Variants in EPHA5 observed in about 807,000 individuals in gnomAD.
EPHA5 encodes EPH receptor A5, also known as ephrin type-A receptor 5.
Under a neutral mutation model 105.0 loss-of-function variants are expected in EPHA5, and 60 were observed. That is an observed-to-expected ratio of 0.57 (90% CI 0.46 to 0.71). EPHA5 has a LOEUF of 0.71. Among genes scored for constraint, EPHA5 ranks in the 30% least tolerant of loss-of-function variants. The pLI is 0.00. For missense variants in EPHA5, 1,218 were observed against 1,274.7 expected (o/e 0.96, Z 0.68); for synonymous variants, 513 against 449.1 (o/e 1.14, Z -1.80).
At chr4:65,409,708 G>T (rs1272020673) in intron 7 of EPHA5, among the ~76,000 whole-genome samples, 1 of 152,160 alleles carries the variant, frequency 6.6e-6, no homozygotes, top group African/African-American at 2.4e-5. Context: ...CTTAATCAGG[G>T]TAACTTAATC....
Position 65,331,629 on chromosome 4 carries a change from G to A in EPHA5, c.2945+344C>T, listed in dbSNP as rs889171621. ...ACCAATTGTGCTTACAGTTTATTTT[G>A]TTTTGTATTTACATTCATATAACAT... On this transcript the variant is annotated intron_variant, in intron 16 of 16. Transcript: ENST00000613740. 6 of 1,075,438 alleles carry A rather than the reference G, an allele frequency of 5.6e-6. No individual in the cohort carries two copies. In the East Asian group the frequency reaches 3.0e-4, roughly 53 times the overall value. The allele number at this position is 1,075,438 out of a possible 1,614,324, so 66.6% of individuals were successfully genotyped here.
rs71657410 is a variant in EPHA5, at chr4:65,440,499, TAC to T, written c.1403-19936_1403-19935del. Among the ~76,000 whole-genome samples the T allele has an allele frequency of 9.7e-3, 1,396 of 143,400 alleles. 15 individuals are homozygous for T. The highest frequency in any genetic ancestry group is 0.031 in the African/African-American group (1,220 of 38,784). The allele number at this position is 143,400 out of a possible 152,430, so 94.1% of individuals were successfully genotyped here. A position where few individuals can be genotyped will look rare whatever the true frequency, so the allele number is the denominator to read the frequency against. On this transcript the variant is annotated intron_variant, in intron 5 of 16. Coordinates refer to ENST00000613740, the MANE Select transcript of EPHA5 (RefSeq NM_001281766.3). ...TTCAACTTATACTTTTCCTAAATCT[TAC>T]ACACACACACACACACACACACACA... is the stretch of plus-strand genomic sequence containing the variant.
At chr4:65,513,219 G>C (rs1047049171) in intron 3 of EPHA5, among the ~76,000 whole-genome samples, 2 of 152,070 alleles carry the variant, frequency 1.3e-5, no homozygotes, top group Middle Eastern at 3.2e-3. Context: ...AAATATTCTT[G>C]ATAGATTTTC....
At chr4:65,472,799 G>C (rs973809961) in intron 5 of EPHA5, among the ~76,000 whole-genome samples, 3 of 152,168 alleles carry the variant, frequency 2.0e-5, no homozygotes, top group East Asian at 1.9e-4. Flanking sequence ...GGAGAGAAGG[G>C]CTGCTCCAAA....
At chr4:65,666,977 C>T (rs952542791) in intron 1 of EPHA5, among the ~76,000 whole-genome samples, 28 of 152,028 alleles carry the variant, frequency 1.8e-4, no homozygotes, top group South Asian at 6.2e-4. Context: ...ATTCATAATA[C>T]GCACACACAC....
chr4:65,626,847 G>A (rs946552257), intron 2 of EPHA5, among the ~76,000 whole-genome samples: 3 of 152,148 alleles, frequency 2.0e-5, no homozygotes, highest in African/African-American at 7.2e-5. Flanking sequence ...TAAAATATCA[G>A]CTAAATAAAT....
rs552381498 is a variant in EPHA5, at chr4:65,583,143, T to C, written c.910+18498A>G. On this transcript the variant is annotated intron_variant, in intron 3 of 16. Coordinates refer to ENST00000613740, the MANE Select transcript of EPHA5 (RefSeq NM_001281766.3). ...CAGGTCTATCTGCTGTGATAAATCA[T>C]GGACAAAATATATAAAATTCCTGCT... Among the ~76,000 whole-genome samples, 20 of 151,726 alleles carry C rather than the reference T, an allele frequency of 1.3e-4. No individual in the cohort carries two copies. In the East Asian group the frequency reaches 1.7e-3, roughly 13 times the overall value.
At chr4:65,574,242 A>T (rs1487285977) in intron 3 of EPHA5, 44 of 1,599,458 alleles carry the variant, frequency 2.8e-5, no homozygotes, top group Non-Finnish European at 3.5e-5. Context: ...TTTATCAAAA[A>T]TCAAAGCTAT....
chr4:65,581,457 C>A (rs1053008579), intron 3 of EPHA5, among the ~76,000 whole-genome samples: 3 of 151,658 alleles, frequency 2.0e-5, no homozygotes, highest in African/African-American at 7.2e-5. Flanking sequence ...CTCCTGAAGT[C>A]CTAGCAAGCA....
At position 65,321,340 on chromosome 4, in the gene EPHA5, CTT is replaced by C. The variant is rs1719623703; in HGVS notation, c.*2772_*2773del. 1 of 230,288 alleles carries C rather than the reference CTT, an allele frequency of 4.3e-6. No individual in the cohort carries two copies. Among genetic ancestry groups the C allele is most frequent in the Non-Finnish European group, 8.6e-6 (1 of 116,198 alleles). The allele number at this position is 230,288 out of a possible 1,614,324, so 14.3% of individuals were successfully genotyped here. On this transcript the variant is annotated 3_prime_UTR_variant, in exon 17 of 17. Coordinates refer to ENST00000613740, the MANE Select transcript of EPHA5 (RefSeq NM_001281766.3). ...AATTACACAATCAAGATTTGTTAAA[CTT>C]TGCCTTGGATTATGGCCTCACTACA...
intron 8 of EPHA5, among the ~76,000 whole-genome samples, chr4:65,388,180 G>A (rs1720321585): frequency 6.7e-6 from 1 of 148,780 alleles, no homozygotes; most frequent in African/African-American, 2.5e-5. Context: ...GTATTCCATG[G>A]TGTATATGTG....
intron 5 of EPHA5, among the ~76,000 whole-genome samples, chr4:65,453,878 C>G (rs1727306019): frequency 6.6e-6 from 1 of 152,174 alleles, no homozygotes; most frequent in Admixed American, 6.5e-5. Context: ...TGCCCTAAAT[C>G]TTGCCTAGGT....
chr4:65,535,151 A>C (rs553703090), intron 3 of EPHA5, among the ~76,000 whole-genome samples: 1 of 152,150 alleles, frequency 6.6e-6, no homozygotes, highest in African/African-American at 2.4e-5. Context: ...TCAAATAATT[A>C]ATTTGTTTTA....
At chr4:65,385,066 G>A (rs934011411) in intron 8 of EPHA5, among the ~76,000 whole-genome samples, 6 of 151,690 alleles carry the variant, frequency 4.0e-5, no homozygotes, top group African/African-American at 1.2e-4. Flanking sequence ...TTGAGAAAAG[G>A]AGAGAAAATT....
At chr4:65,574,342 C>T (rs1371516489) in intron 3 of EPHA5, 2 of 1,233,900 alleles carry the variant, frequency 1.6e-6, no homozygotes, top group South Asian at 4.7e-5. Flanking sequence ...TCTTAAGAAC[C>T]TAATTAAATA....
intron 5 of EPHA5, among the ~76,000 whole-genome samples, chr4:65,472,964 C>T (rs752643703): frequency 1.3e-5 from 2 of 152,186 alleles, no homozygotes; most frequent in African/African-American, 4.8e-5. Context: ...ATTTTCCAAA[C>T]TTTTATGCTC....
chr4:65,350,769 C>A (rs567341870), intron 13 of EPHA5, among the ~76,000 whole-genome samples: 1 of 152,046 alleles, frequency 6.6e-6, no homozygotes, highest in East Asian at 1.9e-4. Context: ...TGAAATATAA[C>A]AATATGAGTT....
chr4:65,558,665 G>T (rs890218733), intron 3 of EPHA5, among the ~76,000 whole-genome samples: 2 of 151,874 alleles, frequency 1.3e-5, no homozygotes. Flanking sequence ...TTAACATTAG[G>T]TATATCTCCT....
chr4:65,382,905 G>C (rs748305066), intron 8 of EPHA5, among the ~76,000 whole-genome samples: 2 of 151,562 alleles, frequency 1.3e-5, no homozygotes, highest in African/African-American at 4.8e-5. Flanking sequence ...ACAAGGGAAA[G>C]GCTTGTAATT....
Sources: gnomAD v4.1 joint callset for allele counts (sites outside exome capture counted in the v4.1 genomes callset) on GRCh38, gnomAD v4.1.1 for gene constraint, MANE v1.5 for transcripts, NCBI Gene and HGNC (gene_info 2026-07-23, HGNC 2026-07-21) for gene names.